The following THSD4 variants were observed in gnomAD, a reference collection of about 807,000 sequenced individuals.
The protein encoded by THSD4 is thrombospondin type-1 domain-containing protein 4.
Under a neutral mutation model 119.0 loss-of-function variants are expected in THSD4, and 69 were observed. The observed-to-expected ratio is 0.58, with a 90% CI of 0.48 to 0.71. THSD4 has a LOEUF of 0.71. Among genes scored for constraint, THSD4 ranks in the 30% least tolerant of loss-of-function variants. THSD4 has a pLI of 0.00. For synonymous variants in THSD4, 524 were observed against 540.4 expected (o/e 0.97, Z 0.42); for missense variants, 1,393 against 1,391.1 (o/e 1.00, Z -0.02).
chr15:71,587,314 A>C (rs1481394659), intron 7 of THSD4, among the ~76,000 whole-genome samples: 1 of 126,142 alleles, frequency 7.9e-6, no homozygotes, highest in Non-Finnish European at 1.7e-5. Flanking sequence ...CTATAAAGAC[A>C]CATGCACACG....
intron 1 of THSD4, among the ~76,000 whole-genome samples, chr15:71,128,976 G>A (rs1031764614): frequency 1.3e-5 from 2 of 152,208 alleles, no homozygotes; most frequent in Non-Finnish European, 2.9e-5. Context: ...TGAGGCTGGT[G>A]GAGGAGGCTG....
intron 6 of THSD4, chr15:71,348,141 C>T (rs1596356159): frequency 6.6e-6 from 1 of 152,162 alleles, no homozygotes; most frequent in South Asian, 2.1e-4. Flanking sequence ...TTTTGAAATG[C>T]TTGTTTTCAG....
At chr15:71,321,294 G>A (rs1567194785) in intron 6 of THSD4, among the ~76,000 whole-genome samples, 1 of 152,098 alleles carries the variant, frequency 6.6e-6, no homozygotes, top group Non-Finnish European at 1.5e-5. Context: ...CCAGCACTTT[G>A]GGAGGCTGAG....
chr15:71,607,634 C>T (rs1018478777), intron 7 of THSD4, among the ~76,000 whole-genome samples: 5 of 152,126 alleles, frequency 3.3e-5, no homozygotes, highest in African/African-American at 1.2e-4. Context: ...CCAGTCACAA[C>T]GGAGGTGTGG....
At chr15:71,195,379 T>G in intron 3 of THSD4, among the ~76,000 whole-genome samples, 1 of 152,096 alleles carries the variant, frequency 6.6e-6, no homozygotes, top group Non-Finnish European at 1.5e-5. Flanking sequence ...ATGGCAGAAA[T>G]GGGAAAAGTC....
chr15:71,292,966 G>A (rs149003496), intron 6 of THSD4, among the ~76,000 whole-genome samples: 37 of 152,248 alleles, frequency 2.4e-4, no homozygotes, highest in African/African-American at 6.7e-4. Flanking sequence ...ATGAGCCACC[G>A]CACCTGGCCA....
chr15:71,424,005 C>A (rs1194419243), intron 7 of THSD4, among the ~76,000 whole-genome samples: 1 of 152,064 alleles, frequency 6.6e-6, no homozygotes, highest in East Asian at 1.9e-4. Context: ...CTCTCCCTCC[C>A]AAAAGCGCTC....
intron 6 of THSD4, among the ~76,000 whole-genome samples, chr15:71,340,309 G>A (rs2045548594): frequency 6.6e-6 from 1 of 152,186 alleles, no homozygotes; most frequent in Non-Finnish European, 1.5e-5. Context: ...GCTCAGAGAG[G>A]TTGAAGGACT....
chr15:71,647,931 G>A (rs2051003276), intron 7 of THSD4, among the ~76,000 whole-genome samples: 1 of 152,206 alleles, frequency 6.6e-6, no homozygotes, highest in African/African-American at 2.4e-5. Context: ...CTGTGTGTAA[G>A]CATGTTGGGG....
At chr15:71,702,209 C>T (rs1415135741) in intron 8 of THSD4, among the ~76,000 whole-genome samples, 2 of 152,144 alleles carry the variant, frequency 1.3e-5, no homozygotes, top group Non-Finnish European at 2.9e-5. Flanking sequence ...AACCACTGGA[C>T]CCTGCAGCCT....
At chr15:71,123,693 T>C (rs2040428789) in intron 1 of THSD4, among the ~76,000 whole-genome samples, 2 of 152,070 alleles carry the variant, frequency 1.3e-5, no homozygotes, top group Non-Finnish European at 2.9e-5. Flanking sequence ...TTGGTGGGAA[T>C]TCAGAAAGAC....
chr15:71,572,559 G>A (rs2049377539), intron 7 of THSD4, among the ~76,000 whole-genome samples: 1 of 152,136 alleles, frequency 6.6e-6, no homozygotes, highest in African/African-American at 2.4e-5. Context: ...AGGGAGAGGG[G>A]TGGGGAGCTC....
intron 3 of THSD4, among the ~76,000 whole-genome samples, chr15:71,184,802 C>T (rs934354386): frequency 1.3e-5 from 2 of 151,832 alleles, no homozygotes; most frequent in African/African-American, 4.8e-5. Flanking sequence ...ATACAACTGT[C>T]TATCATTAGG....
In THSD4 at chr15:71,745,216, A is replaced by G. The variant is rs201717926; in HGVS notation, c.2017A>G (p.Ile673Val). ...GACCCCCGAGGAGGAGCCCTGCAAC[A>G]TCTTCCCTTGCCCAGCCTTGTAAGA... ...KPTPEEEPCN[I>V]FPCPAFWDIG... The change falls in exon 12 of 18, where the codon ATC becomes GTC. Residue 673 changes from isoleucine to valine, a missense_variant. Physicochemically the swap from Ile to Val is conservative, Grantham distance 29. Coordinates refer to ENST00000261862, the MANE Select transcript of THSD4 (RefSeq NM_024817.3). The G allele has an allele frequency of 1.5e-5, 25 of 1,613,950 alleles. No individual in the cohort carries two copies. In the East Asian group the frequency reaches 5.1e-4, roughly 33 times the overall value.
intron 17 of THSD4, among the ~76,000 whole-genome samples, chr15:71,773,258 C>T (rs1453673425): frequency 6.7e-6 from 1 of 150,118 alleles, no homozygotes; most frequent in East Asian, 1.9e-4. Flanking sequence ...ACACATAAAG[C>T]TGCCTGTTTG....
chr15:71,590,564 G>C (rs796434167), intron 7 of THSD4, among the ~76,000 whole-genome samples: 1 of 91,860 alleles, frequency 1.1e-5, no homozygotes, highest in East Asian at 3.2e-4. Context: ...ACGGGTGGGT[G>C]GGGGGAGGGA....
intron 11 of THSD4, among the ~76,000 whole-genome samples, chr15:71,742,699 C>A (rs926602891): frequency 6.6e-6 from 1 of 151,658 alleles, no homozygotes; most frequent in Non-Finnish European, 1.5e-5. Context: ...GTGCTGTCTC[C>A]CTTTCTAAAT....
At position 71,471,514 on chromosome 15, in the gene THSD4, G is replaced by T. The variant is rs147339817; in HGVS notation, c.1152+59691G>T. ...TGAGGCCCTCCAGCCACCACTTCCT[G>T]CTGTCCTCTTTTGCCTTGCCCTCAC... On this transcript the variant is annotated intron_variant, in intron 7 of 17. Coordinates refer to ENST00000261862, the MANE Select transcript of THSD4 (RefSeq NM_024817.3). 1.4e-4 allele frequency among the ~76,000 whole-genome samples: 21 copies of T among 152,018 alleles called. No individual in the cohort carries two copies. In the East Asian group the frequency reaches 4.1e-3, roughly 29 times the overall value.
chr15:71,155,475 C>T (rs573778973), intron 3 of THSD4, among the ~76,000 whole-genome samples: 1 of 152,304 alleles, frequency 6.6e-6, no homozygotes, highest in African/African-American at 2.4e-5. Context: ...CAGATCTGAA[C>T]CATGTCACGG....
Sources: gnomAD v4.1 joint callset for allele counts (sites outside exome capture counted in the v4.1 genomes callset) on GRCh38, gnomAD v4.1.1 for gene constraint, MANE v1.5 for transcripts, NCBI Gene and HGNC (gene_info 2026-07-23, HGNC 2026-07-21) for gene names.